UBE2O: variants seen among roughly 807,000 people sequenced by gnomAD.
The protein encoded by UBE2O is (E3-independent) E2 ubiquitin-conjugating enzyme.
A neutral mutation model predicts 125.8 loss-of-function variants in UBE2O; 15 were observed. That is an observed-to-expected ratio of 0.12 (90% CI 0.08 to 0.18). UBE2O has a LOEUF of 0.18. UBE2O is among the 10% of genes least tolerant of loss of function. The pLI, the probability that UBE2O is intolerant of heterozygous loss-of-function variation, is 1.00. For synonymous variants in UBE2O, 708 were observed against 703.2 expected (o/e 1.01, Z -0.11); for missense variants, 1,280 against 1,723.6 (o/e 0.74, Z 4.56).
Position 76,393,789 on chromosome 17 carries a change from CGT to C in UBE2O, c.2947-1678_2947-1677del, listed in dbSNP as rs578047966. Among the ~76,000 whole-genome samples the C allele has an allele frequency of 1.1e-4, 16 of 152,176 alleles. No individual in the cohort carries two copies. The South Asian group carries it at 3.1e-3, about 30-fold the overall frequency. On this transcript the variant is annotated intron_variant, in intron 15 of 17. Coordinates refer to ENST00000319380, the MANE Select transcript of UBE2O (RefSeq NM_022066.4). Reference sequence around the variant, plus strand: ...ATTTGCGTGCATCTGTGCACACACGCGTGTGTGTGGGATCTCAACTGACAGGG... The same window carrying C: ...ATTTGCGTGCATCTGTGCACACACGCGTGTGTGGGATCTCAACTGACAGGG...
Position 76,398,987 on chromosome 17 carries a change from C to T in UBE2O, c.1633G>A (p.Ala545Thr). Residue 545 changes from alanine to threonine, a missense_variant, in exon 10 of 18, where the codon GCA becomes ACA. Ala to Thr is a moderately conservative substitution (Grantham distance 58). This residue lies in a region of UBE2O where 145 missense variants were observed against 219.6 expected (regional missense o/e 0.66). Transcript: ENST00000319380. This position sits in a 1 kb window ranked among gnomAD's most constrained non-coding sequence, Gnocchi z 5.4. ...GTCATCGTGGTCACCACCTCCACTG[C>T]CACCCTGCGGGTGCAGGCCAGTCAG... ...TRDFKPGDRVAVEVVTTMTSA... is the reference protein window; with the variant it reads ...TRDFKPGDRVTVEVVTTMTSA... The T allele has an allele frequency of 2.5e-6, 4 of 1,613,628 alleles. No homozygotes were observed. Among genetic ancestry groups the T allele is most frequent in the Non-Finnish European group, 3.4e-6 (4 of 1,179,856 alleles).
intron 1 of UBE2O, among the ~76,000 whole-genome samples, chr17:76,447,192 G>A (rs977548765): frequency 1.3e-5 from 2 of 152,178 alleles, no homozygotes; most frequent in African/African-American, 2.4e-5. Flanking sequence ...CAGGGCACTC[G>A]GTCACGTATA....
Position 76,396,375 on chromosome 17 carries a change from C to T in UBE2O, c.2562G>A (p.Leu854=). The T allele has an allele frequency of 1.9e-6, 3 of 1,614,196 alleles. No homozygotes were observed. Among genetic ancestry groups the T allele is most frequent in the Non-Finnish European group, 2.5e-6 (3 of 1,180,038 alleles). ...TTTCCTGTAGCTTCTTGATGTCATCCAGAAACTTCTTCTCCCGAGTTGGCT... is the reference window on the plus strand; with the variant it reads ...TTTCCTGTAGCTTCTTGATGTCATCTAGAAACTTCTTCTCCCGAGTTGGCT... ...PEKPTREKKF[L]DDIKKLQENL... The change falls in exon 14 of 18, where the codon CTG becomes CTA. Residue 854 remains leucine (L), a synonymous_variant. Coordinates refer to ENST00000319380, the MANE Select transcript of UBE2O (RefSeq NM_022066.4). The surrounding 1 kb of genome is among the most constrained non-coding windows in gnomAD (Gnocchi z 6.7).
chr17:76,400,315 G>T lies in UBE2O; in HGVS notation c.1005-18C>A, dbSNP rs373789259. On this transcript the variant is annotated intron_variant, in intron 7 of 17. Coordinates refer to ENST00000319380, the MANE Select transcript of UBE2O (RefSeq NM_022066.4). The surrounding 1 kb of genome is among the most constrained non-coding windows in gnomAD (Gnocchi z 4.3). Reference sequence around the variant, plus strand: ...GCTTCACCCTGGTTGGGGAAGAAGTGGGGGTGAGCTGGGCTGGACTCCTGG... The same window carrying T: ...GCTTCACCCTGGTTGGGGAAGAAGTTGGGGTGAGCTGGGCTGGACTCCTGG... 2 of 1,612,094 alleles carry T rather than the reference G, an allele frequency of 1.2e-6. No individual in the cohort carries two copies. The highest frequency in any genetic ancestry group is 1.7e-5 in the Admixed American group (1 of 59,966).
At chr17:76,441,912 G>A (rs1341608920) in intron 1 of UBE2O, among the ~76,000 whole-genome samples, 1 of 152,262 alleles carries the variant, frequency 6.6e-6, no homozygotes, top group Non-Finnish European at 1.5e-5. Context: ...GGTGCAGGCA[G>A]AGTGCATAGC....
At chr17:76,425,511 C>T (rs2072797775) in intron 1 of UBE2O, among the ~76,000 whole-genome samples, 1 of 152,172 alleles carries the variant, frequency 6.6e-6, no homozygotes, top group Admixed American at 6.5e-5. Context: ...CATGCTTGCA[C>T]CCTAATTCCT....
intron 1 of UBE2O, among the ~76,000 whole-genome samples, chr17:76,424,917 C>T (rs890471143): frequency 6.7e-6 from 1 of 149,564 alleles, no homozygotes; most frequent in Admixed American, 6.7e-5. Context: ...GTCACCCAGG[C>T]TGGAGTGCAG....
At position 76,436,198 on chromosome 17, in the gene UBE2O, G is replaced by T. The variant is rs577119255; in HGVS notation, c.417+16527C>A. 4.9e-4 allele frequency among the ~76,000 whole-genome samples: 75 copies of T among 152,256 alleles called. 1 individual carries two copies. Among genetic ancestry groups the T allele is most frequent in the Middle Eastern group, 6.8e-3 (2 of 294 alleles). ...GGAGGCGGAGGTTACAGTGAGCCGA[G>T]ATAGCACCATTGCACTCCAGCCTGG... On this transcript the variant is annotated intron_variant, in intron 1 of 17. Transcript: ENST00000319380.
rs2072273703 is a variant in UBE2O, at chr17:76,399,324, G to A, written c.1628+125C>T. On this transcript the variant is annotated intron_variant, in intron 9 of 17. Coordinates refer to ENST00000319380, the MANE Select transcript of UBE2O (RefSeq NM_022066.4). This position sits in a 1 kb window ranked among gnomAD's most constrained non-coding sequence, Gnocchi z 6.9. ...GGCACCTACGTTGTCTCGGGTGGGA[G>A]CCCCGGAGCCACTACAAGGCATGCA... The A allele has an allele frequency of 4.1e-6, 4 of 972,712 alleles. No homozygotes were observed. The highest frequency in any genetic ancestry group is 6.1e-6 in the Non-Finnish European group (4 of 658,782). 60.3% of individuals were successfully genotyped at this position (972,712 alleles called of 1,614,324 possible). A position where few individuals can be genotyped will look rare whatever the true frequency, so the allele number is the denominator to read the frequency against.
intron 1 of UBE2O, among the ~76,000 whole-genome samples, chr17:76,428,346 T>C (rs2072845701): frequency 6.6e-6 from 1 of 152,246 alleles, no homozygotes; most frequent in African/African-American, 2.4e-5. Flanking sequence ...TACATTATGG[T>C]CCTTAATTTT....
intron 1 of UBE2O, among the ~76,000 whole-genome samples, chr17:76,419,107 G>C (rs748242690): frequency 3.9e-4 from 56 of 142,242 alleles, no homozygotes; most frequent in Middle Eastern, 7.0e-3. Flanking sequence ...AACCTAGTGA[G>C]ACCCTATCTC....
intron 1 of UBE2O, among the ~76,000 whole-genome samples, chr17:76,440,328 G>GT (rs527380460): frequency 6.3e-4 from 96 of 152,004 alleles, no homozygotes; most frequent in East Asian, 3.3e-3. Flanking sequence ...TCATCTCTTT[G>GT]TTTTTTTTAC....
intron 1 of UBE2O, among the ~76,000 whole-genome samples, chr17:76,411,732 T>C (rs529256126): frequency 6.6e-6 from 1 of 152,276 alleles, no homozygotes; most frequent in East Asian, 1.9e-4. Flanking sequence ...GCCACCCAGG[T>C]TGGAGGGCAG....
chr17:76,420,848 C>A (rs889537666), intron 1 of UBE2O, among the ~76,000 whole-genome samples: 1 of 152,116 alleles, frequency 6.6e-6, no homozygotes, highest in African/African-American at 2.4e-5. Flanking sequence ...GACAGGCTGA[C>A]CCCAGTGAGT....
Position 76,398,651 on chromosome 17 carries a change from CAGTGCAG to C in UBE2O, c.1784-74_1784-68del, listed in dbSNP as rs2143696534. On this transcript the variant is annotated intron_variant, in intron 10 of 17. Transcript: ENST00000319380. The surrounding 1 kb of genome is among the most constrained non-coding windows in gnomAD (Gnocchi z 5.4). ...CGGCTAAGGAGCCCACATCTCAAGC[CAGTGCAG>C]AGTGCAGAACCCTGACCTTCCCCCG... 6.5e-7 allele frequency: 1 copy of C among 1,549,644 alleles called. No individual in the cohort carries two copies. Among genetic ancestry groups the C allele is most frequent in the Non-Finnish European group, 8.9e-7 (1 of 1,126,156 alleles).
rs1490833059 is a variant in UBE2O at position 76,410,469 on chromosome 17, C to A, written c.418-4897G>T. ...TCAACGAAGAATGGCGTGGCCAACG[C>A]ACCCGCAGTGCCACAGCTGAGAAGC... On this transcript the variant is annotated intron_variant, in intron 1 of 17. Transcript: ENST00000319380. The surrounding 1 kb of genome is among the most constrained non-coding windows in gnomAD (Gnocchi z 4.0). 9.9e-5 allele frequency among the ~76,000 whole-genome samples: 15 copies of A among 152,136 alleles called. No homozygotes were observed. The highest frequency in any genetic ancestry group is 9.8e-4 in the Admixed American group (15 of 15,270).
rs751511764 is a variant in UBE2O at position 76,405,829 on chromosome 17, G to A, written c.418-257C>T. On this transcript the variant is annotated intron_variant, in intron 1 of 17. Coordinates refer to ENST00000319380, the MANE Select transcript of UBE2O (RefSeq NM_022066.4). The surrounding 1 kb of genome is among the most constrained non-coding windows in gnomAD (Gnocchi z 6.1). ...ACCCACCAGAGGCACTTGGCTTGCC[G>A]GAGGTAGCCTTCCTCACACTGAACA... Among the ~76,000 whole-genome samples the A allele has an allele frequency of 1.3e-5, 2 of 152,218 alleles. No homozygotes were observed. The highest frequency in any genetic ancestry group is 6.5e-5 in the Admixed American group (1 of 15,280).
intron 1 of UBE2O, among the ~76,000 whole-genome samples, chr17:76,411,038 G>T (rs1200739345): frequency 6.6e-6 from 1 of 151,878 alleles, no homozygotes; most frequent in South Asian, 2.1e-4. Flanking sequence ...TGGTGTGGTG[G>T]GGGAGGGGGT....
chr17:76,448,791 A>C (rs571837880), intron 1 of UBE2O, among the ~76,000 whole-genome samples: 1 of 152,244 alleles, frequency 6.6e-6, no homozygotes. Context: ...ACGTCTAGCC[A>C]GTGCTCATGA....
Sources: gnomAD v4.1 joint callset for allele counts (sites outside exome capture counted in the v4.1 genomes callset) on GRCh38, gnomAD v4.1.1 for gene constraint, gnomAD v4.1.1 regional missense constraint, Gnocchi (gnomAD v3.1) non-coding constraint, MANE v1.5 for transcripts, NCBI Gene and HGNC (gene_info 2026-07-23, HGNC 2026-07-21) for gene names.